Variants in MYL6B observed in about 807,000 individuals in gnomAD.
MYL6B encodes myosin alkali light chain 1 slow a.
MYL6B carries 19 observed loss-of-function variants against 24.5 expected under a neutral mutation model. The ratio of observed to expected loss-of-function variants is 0.78; its 90% CI spans 0.54 to 1.14. The LOEUF is 1.14. Among genes scored for constraint, MYL6B ranks in the 50% most tolerant of loss-of-function variants. The pLI, the probability that MYL6B is intolerant of heterozygous loss-of-function variation, is 0.00. For synonymous variants in MYL6B, 90 were observed against 100.7 expected (o/e 0.89, Z 0.64); for missense variants, 230 against 263.8 (o/e 0.87, Z 0.89).
intron 5 of MYL6B, chr12:56,156,108 C>A: frequency 2.5e-6 from 2 of 800,658 alleles, no homozygotes; most frequent in Non-Finnish European, 3.1e-6. Flanking sequence ...GAGTTCGAGA[C>A]CGGCCTGGCC....
chr12:56,155,269 A>AG (rs1871263911), intron 4 of MYL6B, 71 bp downstream of exon 4: 7 of 1,560,554 alleles, frequency 4.5e-6, no homozygotes, highest in Non-Finnish European at 6.1e-6. Context: ...AAAAAGAATG[A>AG]GGTGGATCTC....
At position 56,153,960 on chromosome 12, in the gene MYL6B, G is replaced by T. The variant is rs373731040; in HGVS notation, c.42G>T (p.Gly14=). ...ATGTTCCCGTGAAGAAACCAGCAGG[G>T]CCCTCCATCTCCAAACCTGCTGCTA... Residue 14 remains glycine, a synonymous_variant, in exon 2 of 7, where the codon GGG becomes GGT. Coordinates refer to ENST00000553066, the Ensembl canonical transcript of MYL6B. 1.2e-5 allele frequency: 20 copies of T among 1,613,980 alleles called. No individual in the cohort carries two copies. In the African/African-American group the frequency reaches 2.5e-4, roughly 20 times the overall value.
intron 5 of MYL6B, 194 bp downstream of exon 5, chr12:56,155,786 G>A (rs766257574): frequency 1.5e-5 from 23 of 1,504,186 alleles, no homozygotes; most frequent in South Asian, 8.7e-5. Context: ...AGTGCCATCC[G>A]GAGGGCAGAG....
chr12:56,154,511 C>T (rs1871232317), intron 2 of MYL6B, among the ~76,000 whole-genome samples: 1 of 152,198 alleles, frequency 6.6e-6, no homozygotes, highest in Admixed American at 6.6e-5. Context: ...AGCTGGGGGC[C>T]AGGGGTAAAT....
chr12:56,153,270 C>A (rs192618642), intron 1 of MYL6B, among the ~76,000 whole-genome samples: 55 of 152,250 alleles, frequency 3.6e-4, no homozygotes, highest in Admixed American at 1.9e-3. Context: ...GGATGTCATA[C>A]TCCTGTTTTT....
rs1186790119 is a variant in MYL6B, at chr12:56,155,061, A to G, written c.209A>G (p.Lys70Arg). The G allele has an allele frequency of 1.2e-6, 2 of 1,611,030 alleles. No homozygotes were observed. The highest frequency in any genetic ancestry group is 1.7e-5 in the Admixed American group (1 of 59,546). Residue 70 changes from lysine (K) to arginine (R), a missense_variant, in exon 4 of 7, where the codon AAG (lysine) becomes AGG (arginine). Coordinates refer to ENST00000553066, the Ensembl canonical transcript of MYL6B. ...ACCCTTCCTTATACTTTAGAGTTCAAGGAGGCCTTCGAGCTGTTTGACCGA... is the reference window on the plus strand; with the variant it reads ...ACCCTTCCTTATACTTTAGAGTTCAGGGAGGCCTTCGAGCTGTTTGACCGA...
At chr12:56,155,862 G>C in intron 5 of MYL6B, 1 of 1,342,132 alleles carries the variant, frequency 7.5e-7, no homozygotes, top group South Asian at 1.5e-5. Flanking sequence ...GTGTGTTCTG[G>C]TACAAGTCTC....
exon 4 of MYL6B, chr12:56,155,178 T>C (rs1445124556): frequency 1.2e-6 from 2 of 1,610,892 alleles, no homozygotes; most frequent in Non-Finnish European, 1.7e-6. Context: ...CTCAAGGTCC[T>C]GGGGAACCCC....
chr12:56,157,813 C>A, exon 7 of MYL6B: 2 of 1,522,384 alleles, frequency 1.3e-6, no homozygotes, highest in Admixed American at 1.8e-5. Flanking sequence ...AGAAAAGCAG[C>A]GGAGTTCATT....
chr12:56,157,621 AC>A lies in MYL6B; in HGVS notation c.599-73del. 3.7e-6 allele frequency: 6 copies of A among 1,612,870 alleles called. No individual in the cohort carries two copies. The South Asian group carries it at 5.5e-5, about 15-fold the overall frequency. On this transcript the variant is annotated intron_variant, in intron 6 of 6. Coordinates refer to ENST00000553066, the Ensembl canonical transcript of MYL6B. ...CGTCTTGCCGCGTGTGGGCGGGGGC[AC>A]CCCTGGATTACCTAGAGTCAGATGT...
At chr12:56,156,434 G>C (rs1473665723) in intron 5 of MYL6B, among the ~76,000 whole-genome samples, 1 of 150,290 alleles carries the variant, frequency 6.7e-6, no homozygotes, top group Non-Finnish European at 1.5e-5. Context: ...GTGAAACCTC[G>C]TCTCTACTAA....
At chr12:56,152,629 A>AGGGT (rs777724109) in exon 1 of MYL6B, 1 of 152,068 alleles carries the variant, frequency 6.6e-6, no homozygotes, top group Non-Finnish European at 1.5e-5. Context: ...CGGACCCCGC[A>AGGGT]GGGTGAGTTT....
At chr12:56,155,378 ATAC>A in intron 4 of MYL6B, 38 bp from the exon 5 acceptor site, 1 of 1,613,776 alleles carries the variant, frequency 6.2e-7, no homozygotes, top group Non-Finnish European at 8.5e-7. Context: ...GTCCTATGTA[ATAC>A]TACAATGACC....
At chr12:56,153,319 C>T in intron 1 of MYL6B, 1 of 549,210 alleles carries the variant, frequency 1.8e-6, no homozygotes, top group Non-Finnish European at 2.3e-6. Flanking sequence ...AGTTCCAGTT[C>T]TTGGCTGGGT....
At chr12:56,156,906 G>C (rs1871337872) in intron 5 of MYL6B, 1 of 152,180 alleles carries the variant, frequency 6.6e-6, no homozygotes, top group East Asian at 1.9e-4. Flanking sequence ...TTAAAAATTA[G>C]CCAGGCGTGG....
At chr12:56,156,118 C>A in intron 5 of MYL6B, 1 of 701,324 alleles carries the variant, frequency 1.4e-6, no homozygotes, top group Non-Finnish European at 1.8e-6. Context: ...CCGGCCTGGC[C>A]AACATGGTAA....
Position 56,157,867 on chromosome 12 carries a change from G to C in MYL6B, c.*141G>C, listed in dbSNP as rs1218109566. 4 of 1,084,054 alleles carry C rather than the reference G, an allele frequency of 3.7e-6. No homozygotes were observed. The East Asian group carries it at 1.0e-4, about 28-fold the overall frequency. 67.2% of individuals were successfully genotyped at this position (1,084,054 alleles called of 1,614,324 possible). A position where few individuals can be genotyped will look rare whatever the true frequency, so the allele number is the denominator to read the frequency against. On this transcript the variant is annotated 3_prime_UTR_variant, in exon 7 of 7. Transcript: ENST00000553066. ...ACGGGCTCCAGCGCTTCGCAACTTT[G>C]GTTTTTTTCCACAGATCCAGTGGGG...
At chr12:56,155,326 T>C in intron 4 of MYL6B, 93 bp from the exon 5 acceptor site, 1 of 1,586,440 alleles carries the variant, frequency 6.3e-7, no homozygotes, top group Non-Finnish European at 8.6e-7. Flanking sequence ...ATATCCTAAA[T>C]GCTGAATAGG....
intron 5 of MYL6B, chr12:56,157,245 A>G (rs1871356373): frequency 4.0e-6 from 2 of 497,868 alleles, no homozygotes; most frequent in Admixed American, 6.6e-5. Flanking sequence ...AAATACAAAA[A>G]ATTAGCCGGG....
Sources: allele counts gnomAD v4.1 joint callset (sites outside exome capture counted in the v4.1 genomes callset), GRCh38; gene constraint gnomAD v4.1.1; transcripts MANE v1.5; gene names NCBI Gene and HGNC (gene_info 2026-07-23, HGNC 2026-07-21).